Variants in DLAT observed in about 807,000 individuals in gnomAD.
DLAT encodes the protein dihydrolipoamide S-acetyltransferase, also known as dihydrolipoyllysine-residue acetyltransferase component of pyruvate dehydrogenase complex, mitochondrial.
DLAT carries 43 observed loss-of-function variants against 68.0 expected under a neutral mutation model. The observed-to-expected ratio is 0.63, with a 90% CI of 0.50 to 0.81. The LOEUF is 0.81. DLAT is among the 40% of genes least tolerant of loss of function. The pLI, the probability that DLAT is intolerant of heterozygous loss-of-function variation, is 0.00. For synonymous variants in DLAT, 265 were observed against 288.6 expected, an observed-to-expected ratio of 0.92 and a Z score of 0.83; for missense variants, 745 against 815.4, an observed-to-expected ratio of 0.91 and a Z score of 1.05.
intron 5 of DLAT, among the ~76,000 whole-genome samples, chr11:112,035,489 T>C (rs1862657033): frequency 6.6e-6 from 1 of 151,016 alleles, no homozygotes; most frequent in African/African-American, 2.4e-5. Flanking sequence ...TTTTAAACAC[T>C]TCTTTTTTTT....
intron 12 of DLAT, 31 bp downstream of exon 12, chr11:112,060,096 G>A (rs1555183037): frequency 1.3e-6 from 2 of 1,544,196 alleles, no homozygotes; most frequent in East Asian, 2.5e-5. Flanking sequence ...TTCTAATTAT[G>A]TTATTTTTAA....
rs917725346 is a variant in DLAT at position 112,063,528 on chromosome 11, G to A, written c.*993G>A. ...CCTGTCTGAAAAGGAGGGGTACATT[G>A]GTAAACATTTTGGAGTGCTTAAAAA... On this transcript the variant is annotated 3_prime_UTR_variant, in exon 14 of 14. Transcript: ENST00000280346. 2.0e-5 allele frequency: 3 copies of A among 152,488 alleles called. No homozygotes were observed. In the East Asian group the frequency reaches 5.8e-4, roughly 29 times the overall value. The allele number at this position is 152,488 out of a possible 1,614,324, so 9.4% of individuals were successfully genotyped here. A position where few individuals can be genotyped will look rare whatever the true frequency, so the allele number is the denominator to read the frequency against.
At chr11:112,044,038 A>G (rs1863177676) in intron 8 of DLAT, among the ~76,000 whole-genome samples, 1 of 152,248 alleles carries the variant, frequency 6.6e-6, no homozygotes, top group African/African-American at 2.4e-5. Flanking sequence ...TATCATTTAT[A>G]TACAAGATCA....
chr11:112,028,418 C>T, intron 2 of DLAT, 97 bp from the exon 3 acceptor site: 3 of 1,057,322 alleles, frequency 2.8e-6, no homozygotes, highest in Non-Finnish European at 2.6e-6. Flanking sequence ...GACTCTGTGT[C>T]TCAAAAAAAA....
intron 11 of DLAT, 146 bp from the exon 12 acceptor site, chr11:112,059,757 A>T: frequency 1.6e-6 from 1 of 627,326 alleles, no homozygotes; most frequent in Non-Finnish European, 2.7e-6. Context: ...AAATTAGGAT[A>T]GACATCTTAA....
chr11:112,034,458 T>C (rs1315078730), intron 5 of DLAT, among the ~76,000 whole-genome samples: 3 of 151,200 alleles, frequency 2.0e-5, no homozygotes, highest in African/African-American at 7.3e-5. Context: ...TTTTTTTTTT[T>C]TTGAGACGGA....
rs1312323193 is a variant in DLAT, at chr11:112,026,403, T to C, written c.381+104T>C. ...ATTTGGCAGGGTCATAGGACAATAG[T>C]GGAGGGAAGGTCAGCAGATAAACAA... On this transcript the variant is annotated intron_variant, in intron 2 of 13. Transcript: ENST00000280346. The C allele has an allele frequency of 1.6e-5, 9 of 567,062 alleles. No homozygotes were observed. The East Asian group carries it at 3.2e-4, about 20-fold the overall frequency. The allele number at this position is 567,062 out of a possible 1,614,324, so 35.1% of individuals were successfully genotyped here.
chr11:112,059,423 C>T (rs1441214231), intron 11 of DLAT, among the ~76,000 whole-genome samples: 3 of 150,062 alleles, frequency 2.0e-5, no homozygotes, highest in Admixed American at 6.7e-5. Flanking sequence ...GATGGAGTCT[C>T]GCTCTGCTGC....
chr11:112,031,377 A>G (rs1432595553), intron 4 of DLAT, among the ~76,000 whole-genome samples: 4 of 152,184 alleles, frequency 2.6e-5, no homozygotes, highest in African/African-American at 7.2e-5. Flanking sequence ...GGAAATGGCT[A>G]TTATAAAAAC....
intron 11 of DLAT, among the ~76,000 whole-genome samples, chr11:112,055,235 ATTTTTTTTTTTTTTT>A (rs66865041): frequency 1.3e-5 from 1 of 75,444 alleles, no homozygotes; most frequent in Admixed American, 1.8e-4. Flanking sequence ...GTCAAGGCCT[ATTTTTTTTTTTTTTT>A]TTTTTTTTTT....
At chr11:112,038,229 T>C (rs1252837143) in intron 6 of DLAT, among the ~76,000 whole-genome samples, 1 of 152,030 alleles carries the variant, frequency 6.6e-6, no homozygotes, top group African/African-American at 2.4e-5. Flanking sequence ...GACGGAGTCT[T>C]GCTCCGTCAC....
Position 112,051,501 on chromosome 11 carries a change from A to T in DLAT, c.1514+152A>T. 2 of 633,826 alleles carry T rather than the reference A, an allele frequency of 3.2e-6. No individual in the cohort carries two copies. 39.3% of individuals were successfully genotyped at this position (633,826 alleles called of 1,614,324 possible). ...ACTTGAAAACAACACAAAAATGTTT[A>T]TGAGTTACTGCTTTTTACTTTTTTT... On this transcript the variant is annotated intron_variant, in intron 11 of 13. Coordinates refer to ENST00000280346, the MANE Select transcript of DLAT (RefSeq NM_001931.5). This position sits in a 1 kb window ranked among gnomAD's most constrained non-coding sequence, Gnocchi z 4.3.
At chr11:112,036,147 ATATATATGTGTGTGTATATATG>A (rs1348856809) in intron 5 of DLAT, among the ~76,000 whole-genome samples, 3 of 135,310 alleles carry the variant, frequency 2.2e-5, no homozygotes, top group South Asian at 2.3e-4. Flanking sequence ...GTGTGTATAT[ATATATATGTGTGTGTATATATG>A]TGTGTGTGTG....
intron 4 of DLAT, chr11:112,029,821 AGTCTTGGTCTG>A: frequency 5.2e-6 from 3 of 577,122 alleles, no homozygotes; most frequent in Non-Finnish European, 1.0e-5. Flanking sequence ...GGCCTAATTC[AGTCTTGGTCTG>A]GACTACATCT....
At chr11:112,052,687 G>A (rs587704090) in intron 11 of DLAT, among the ~76,000 whole-genome samples, 46 of 152,082 alleles carry the variant, frequency 3.0e-4, no homozygotes, top group African/African-American at 9.6e-4. Context: ...AATAGAGGGG[G>A]CTGGGGAGAA....
Position 112,025,761 on chromosome 11 carries a change from AGACCCCCCTTCTCGG to A in DLAT, c.279+17_279+31del. 1 of 1,612,964 alleles carries A rather than the reference AGACCCCCCTTCTCGG, an allele frequency of 6.2e-7. No individual in the cohort carries two copies. Among genetic ancestry groups the A allele is most frequent in the Non-Finnish European group, 8.5e-7 (1 of 1,179,900 alleles). The stretch of plus-strand genomic sequence containing the variant: ...TCCCCCGCATCAGAAGGTGAGCCCT[AGACCCCCCTTCTCGG>A]GACCCCGTTGTCCTTCAGAGCTGAC... On this transcript the variant is annotated intron_variant, in intron 1 of 13. Transcript: ENST00000280346.
In DLAT at chr11:112,026,769, C is replaced by G. The variant is rs587602456; in HGVS notation, c.381+470C>G. 4.2e-3 allele frequency among the ~76,000 whole-genome samples: 641 copies of G among 152,318 alleles called. 3 individuals are homozygous for G. The highest frequency in any genetic ancestry group is 0.015 in the African/African-American group (614 of 41,572). On this transcript the variant is annotated intron_variant, in intron 2 of 13. Transcript: ENST00000280346. ...TTCTCAATCTTTTCCCCACCTTTCC[C>G]CCCTTTCTATTCCACAAAACCGCCA... is the stretch of plus-strand genomic sequence containing the variant.
Position 112,039,249 on chromosome 11 carries a change from C to CCA in DLAT, c.981_982insCA (p.Ala328GlnfsTer10), listed in dbSNP as rs1402935771. Reference sequence around the variant, plus strand: ...TTGTAATTTTTTTTCAAAAGGTGGCCGCTGTTCCTCCAACTCCCCAGCCTT... The same window carrying CCA: ...TTGTAATTTTTTTTCAAAAGGTGGCCCAGCTGTTCCTCCAACTCCCCAGCCTT... On this transcript the variant is annotated frameshift_variant, in exon 7 of 14. Coordinates refer to ENST00000280346, the MANE Select transcript of DLAT (RefSeq NM_001931.5). LOFTEE classifies it high-confidence loss of function. The CCA allele has an allele frequency of 1.9e-6, 3 of 1,613,776 alleles. No individual in the cohort carries two copies. The Admixed American group carries it at 5.0e-5, about 27-fold the overall frequency.
intron 5 of DLAT, 32 bp from the exon 6 acceptor site, chr11:112,037,240 TA>T: frequency 6.3e-7 from 1 of 1,594,222 alleles, no homozygotes; most frequent in East Asian, 2.2e-5. Context: ...TGGAATCTCT[TA>T]AGTCCCATAA....
Sources: gnomAD v4.1 joint callset for allele counts (sites outside exome capture counted in the v4.1 genomes callset) on GRCh38, gnomAD v4.1.1 for gene constraint, Gnocchi (gnomAD v3.1) non-coding constraint, MANE v1.5 for transcripts, NCBI Gene and HGNC (gene_info 2026-07-23, HGNC 2026-07-21) for gene names.